HINFP: variants seen among roughly 807,000 people sequenced by gnomAD.
HINFP encodes histone H4 transcription factor, also known as MBD2 (methyl-CpG-binding protein)-interacting zinc finger protein.
HINFP carries 20 observed loss-of-function variants against 50.1 expected under a neutral mutation model. The observed-to-expected ratio is 0.40, with a 90% CI of 0.28 to 0.58. The LOEUF (loss-of-function observed/expected upper bound fraction) is 0.58, where lower values mean the gene tolerates loss of function less well. Ranked by LOEUF, HINFP falls within the 20% of genes least tolerant of loss-of-function variation. HINFP has a pLI of 0.45. For missense variants in HINFP, 505 were observed against 664.1 expected (o/e 0.76, Z 2.63); for synonymous variants, 247 against 243.7 (o/e 1.01, Z -0.13).
rs776190765 is a variant in HINFP, at chr11:119,134,182, C to T, written c.1238C>T (p.Ser413Leu). The change falls in exon 10 of 10, where the codon TCG becomes TTG. Residue 413 changes from serine (S) to leucine (L), a missense_variant. Coordinates refer to ENST00000350777, the MANE Select transcript of HINFP (RefSeq NM_198971.3). The surrounding 1 kb of genome is among the most constrained non-coding windows in gnomAD (Gnocchi z 4.3). ...CTGCTGCGGCAACCACAAGAGGGAT[C>T]GGGCCTGGGAACGTCGCTGAACGAG... ...QQLLRQPQEG[S>L]GLGTSLNESS... is the part of the protein sequence containing the mutation. The T allele has an allele frequency of 1.1e-5, 18 of 1,614,072 alleles. No individual in the cohort carries two copies. The Admixed American group carries it at 1.2e-4, about 10-fold the overall frequency.
chr11:119,123,064 G>A lies in HINFP; in HGVS notation c.-11+1425G>A, dbSNP rs1947165924. The stretch of plus-strand genomic sequence containing the variant: ...AATCGCTTGAACCTGGGAGGCGGAG[G>A]TTGCAGTGAGCCCAGATCACAGCAC... On this transcript the variant is annotated intron_variant, in intron 1 of 9. Coordinates refer to ENST00000350777, the MANE Select transcript of HINFP (RefSeq NM_198971.3). 7.4e-5 allele frequency among the ~76,000 whole-genome samples: 10 copies of A among 134,392 alleles called. No homozygotes were observed. In the South Asian group the frequency reaches 2.3e-3, roughly 31 times the overall value. The allele number at this position is 134,392 out of a possible 152,430, so 88.2% of individuals were successfully genotyped here.
intron 1 of HINFP, 75 bp from the exon 2 acceptor site, chr11:119,126,860 G>C: frequency 7.3e-7 from 1 of 1,374,166 alleles, no homozygotes; most frequent in Non-Finnish European, 1.0e-6. Flanking sequence ...TAGGCAGGCT[G>C]CCTGCCCAGC....
At chr11:119,124,421 C>T (rs1947270849) in intron 1 of HINFP, 1 of 152,110 alleles carries the variant, frequency 6.6e-6, no homozygotes, top group South Asian at 2.1e-4. Context: ...GTGAGAATTC[C>T]TGAGGAGAAG....
At chr11:119,133,538 C>T (rs908765818) in intron 9 of HINFP, 4 of 271,268 alleles carry the variant, frequency 1.5e-5, no homozygotes, top group Non-Finnish European at 2.8e-5. Flanking sequence ...GAGATCATGC[C>T]ACTGCACTCC....
In HINFP at chr11:119,131,334, C is replaced by A; in HGVS notation, c.412-201C>A. 1.7e-6 allele frequency: 1 copy of A among 598,034 alleles called. No homozygotes were observed. Among genetic ancestry groups the A allele is most frequent in the Middle Eastern group, 2.9e-4 (1 of 3,396 alleles). 37.0% of individuals were successfully genotyped at this position (598,034 alleles called of 1,614,324 possible). ...GAACTCTTGGCCTCAAGTGATTCTC[C>A]TGCCTCAGCCTCTCAAAGTGCTGGG... On this transcript the variant is annotated intron_variant, in intron 3 of 9. Transcript: ENST00000350777. This position sits in a 1 kb window ranked among gnomAD's most constrained non-coding sequence, Gnocchi z 4.2.
chr11:119,131,114 G>T lies in HINFP; in HGVS notation c.411+160G>T. 1.4e-6 allele frequency: 1 copy of T among 731,214 alleles called. No homozygotes were observed. The highest frequency in any genetic ancestry group is 2.4e-6 in the Non-Finnish European group (1 of 413,264). 45.3% of individuals were successfully genotyped at this position (731,214 alleles called of 1,614,324 possible). A position where few individuals can be genotyped will look rare whatever the true frequency, so the allele number is the denominator to read the frequency against. ...AAATTTGTTTATTTTTTACACACAGGCTCTTGATCTGAAGCCCAGGCTAGA... is the reference window on the plus strand; with the variant it reads ...AAATTTGTTTATTTTTTACACACAGTCTCTTGATCTGAAGCCCAGGCTAGA... On this transcript the variant is annotated intron_variant, in intron 3 of 9. Coordinates refer to ENST00000350777, the MANE Select transcript of HINFP (RefSeq NM_198971.3). The surrounding 1 kb of genome is among the most constrained non-coding windows in gnomAD (Gnocchi z 4.2).
rs138343218 is a variant in HINFP at position 119,127,049 on chromosome 11, T to C, written c.105T>C (p.His35=). The change falls in exon 2 of 10, where the codon CAT becomes CAC. Residue 35 remains histidine (H), a synonymous_variant. Coordinates refer to ENST00000350777, the MANE Select transcript of HINFP (RefSeq NM_198971.3). ...VCSTMEKFFE[H]VTQHLQQHLH... ...CAACCATGGAAAAGTTCTTTGAGCA[T>C]GTCACTCAGCACCTGCAGCAGCACC... is the stretch of plus-strand genomic sequence containing the variant. 3.9e-4 allele frequency: 630 copies of C among 1,614,084 alleles called. 3 individuals carry two copies. The African/African-American group carries it at 7.6e-3, about 20-fold the overall frequency.
intron 1 of HINFP, chr11:119,126,036 T>A (rs1484679021): frequency 6.6e-6 from 1 of 152,038 alleles, no homozygotes; most frequent in Admixed American, 6.6e-5. Flanking sequence ...ACTTCAGGTG[T>A]TTATCTATAA....
At position 119,127,004 on chromosome 11, in the gene HINFP, G is replaced by A. The variant is rs143017588; in HGVS notation, c.60G>A (p.Gly20=). ...ATCTGTGGCTACAGTGTGAGTGGGGGTCCTGCTCCTTTGTGTGCTCAACCA... is the reference window on the plus strand; with the variant it reads ...ATCTGTGGCTACAGTGTGAGTGGGGATCCTGCTCCTTTGTGTGCTCAACCA... The part of the protein sequence containing the change: ...KENLWLQCEW[G]SCSFVCSTME... The change falls in exon 2 of 10, where the codon GGG becomes GGA. Residue 20 remains glycine (G), a synonymous_variant. Coordinates refer to ENST00000350777, the MANE Select transcript of HINFP (RefSeq NM_198971.3). The A allele has an allele frequency of 6.9e-3, 11,156 of 1,614,128 alleles. 75 individuals are homozygous for A. The highest frequency in any genetic ancestry group is 8.5e-3 in the Non-Finnish European group (10,036 of 1,180,012).
At chr11:119,129,554 G>A (rs985343046) in intron 2 of HINFP, among the ~76,000 whole-genome samples, 3 of 147,670 alleles carry the variant, frequency 2.0e-5, no homozygotes, top group East Asian at 2.0e-4. Flanking sequence ...TCCGCCTCCC[G>A]GGTTCATGCC....
chr11:119,128,511 T>C (rs1947553305), intron 2 of HINFP, among the ~76,000 whole-genome samples: 1 of 151,154 alleles, frequency 6.6e-6, no homozygotes, highest in Non-Finnish European at 1.5e-5. Flanking sequence ...GCTTTCACCA[T>C]GTTAGCCAGG....
chr11:119,131,312 C>T lies in HINFP; in HGVS notation c.412-223C>T. 1 of 586,268 alleles carries T rather than the reference C, an allele frequency of 1.7e-6. No homozygotes were observed. 36.3% of individuals were successfully genotyped at this position (586,268 alleles called of 1,614,324 possible). A position where few individuals can be genotyped will look rare whatever the true frequency, so the allele number is the denominator to read the frequency against. On this transcript the variant is annotated intron_variant, in intron 3 of 9. Transcript: ENST00000350777. This position sits in a 1 kb window ranked among gnomAD's most constrained non-coding sequence, Gnocchi z 4.2. The stretch of plus-strand genomic sequence containing the variant: ...GTGTGTTGCCCAGGCCGGTCTCGAA[C>T]TCTTGGCCTCAAGTGATTCTCCTGC...
At chr11:119,125,077 T>TG (rs1947318545) in intron 1 of HINFP, 1 of 145,912 alleles carries the variant, frequency 6.9e-6, no homozygotes, top group Non-Finnish European at 1.5e-5. Flanking sequence ...CTTACTCTGT[T>TG]GCCCAGGCTG....
chr11:119,125,800 G>A (rs1321986951), intron 1 of HINFP: 1 of 152,228 alleles, frequency 6.6e-6, no homozygotes, highest in East Asian at 1.9e-4. Context: ...TTAACAGAAG[G>A]TATTAGCAGA....
intron 2 of HINFP, among the ~76,000 whole-genome samples, chr11:119,127,991 C>A (rs916626311): frequency 6.6e-6 from 1 of 151,602 alleles, no homozygotes; most frequent in African/African-American, 2.4e-5. Context: ...GTAGCTGGGA[C>A]TACAGGCGCG....
chr11:119,127,060 A>ACCTGCAGCAG lies in HINFP; in HGVS notation c.118_127dup (p.His43ProfsTer19). 6.2e-7 allele frequency: 1 copy of ACCTGCAGCAG among 1,614,038 alleles called. No individual in the cohort carries two copies. The highest frequency in any genetic ancestry group is 8.5e-7 in the Non-Finnish European group (1 of 1,179,996). Reference sequence around the variant, plus strand: ...AAGTTCTTTGAGCATGTCACTCAGCACCTGCAGCAGCACCTGCATGGCTCT... The same window carrying ACCTGCAGCAG: ...AAGTTCTTTGAGCATGTCACTCAGCACCTGCAGCAGCCTGCAGCAGCACCTGCATGGCTCT... On this transcript the variant is annotated frameshift_variant, in exon 2 of 10. Transcript: ENST00000350777. LOFTEE classifies it high-confidence loss of function.
At chr11:119,133,516 T>A (rs1436865480) in intron 9 of HINFP, 1 of 351,214 alleles carries the variant, frequency 2.8e-6, no homozygotes, top group African/African-American at 2.1e-5. Context: ...AAGGCGGAGG[T>A]TGTAGTGAGC....
At chr11:119,128,624 G>A (rs1030812526) in intron 2 of HINFP, among the ~76,000 whole-genome samples, 2 of 151,816 alleles carry the variant, frequency 1.3e-5, no homozygotes, top group East Asian at 1.9e-4. Flanking sequence ...CACCATGCCC[G>A]GCCAGTACTT....
rs1303100972 is a variant in HINFP at position 119,130,831 on chromosome 11, A to C, written c.288A>C (p.Lys96Asn). 1 of 1,614,074 alleles carries C rather than the reference A, an allele frequency of 6.2e-7. No individual in the cohort carries two copies. Among genetic ancestry groups the C allele is most frequent in the Admixed American group, 1.7e-5 (1 of 60,000 alleles). The part of the protein sequence containing the change: ...VYFHCYHTKL[K>N]QWGLQALQSQ... ...TCCACTGCTACCACACCAAGCTGAA[A>C]CAGTGGGGGCTGCAGGCCTTGCAAA... is the stretch of plus-strand genomic sequence containing the variant. Residue 96 changes from lysine (K) to asparagine (N), a missense_variant, in exon 3 of 10, where the codon AAA becomes AAC. By Grantham distance (94) the Lys-to-Asn change is moderately conservative. Transcript: ENST00000350777.
Sources: allele counts gnomAD v4.1 joint callset (sites outside exome capture counted in the v4.1 genomes callset), GRCh38; gene constraint gnomAD v4.1.1; non-coding constraint Gnocchi (gnomAD v3.1); transcripts MANE v1.5; gene names NCBI Gene and HGNC (gene_info 2026-07-23, HGNC 2026-07-21).